Variants in RECK observed in about 807,000 individuals in gnomAD.
RECK encodes the protein reversion-inducing cysteine-rich protein with Kazal motifs.
RECK carries 69 observed loss-of-function variants against 115.1 expected under a neutral mutation model. The observed-to-expected ratio is 0.60, with a 90% CI of 0.49 to 0.73. The LOEUF (loss-of-function observed/expected upper bound fraction) is 0.73. Ranked by LOEUF, RECK falls within the 30% of genes least tolerant of loss-of-function variation. RECK has a pLI of 0.00. For synonymous variants in RECK, 414 were observed against 419.7 expected, an observed-to-expected ratio of 0.99 and a Z score of 0.17; for missense variants, 1,047 against 1,203.7, an observed-to-expected ratio of 0.87 and a Z score of 1.93.
chr9:36,075,992 T>C (rs895377306), intron 6 of RECK, among the ~76,000 whole-genome samples: 4 of 152,116 alleles, frequency 2.6e-5, no homozygotes, highest in African/African-American at 9.7e-5. Flanking sequence ...TAGTCAGTAG[T>C]AAAAGGGCAG....
intron 6 of RECK, among the ~76,000 whole-genome samples, chr9:36,079,089 T>G (rs1822578136): frequency 6.6e-6 from 1 of 152,050 alleles, no homozygotes; most frequent in African/African-American, 2.4e-5. Flanking sequence ...GAGACAGGGT[T>G]TCTCCATGTT....
rs56726335 is a variant in RECK, at chr9:36,048,126, AATAT to A, written c.101-4108_101-4105del. Among the ~76,000 whole-genome samples, 319 of 115,368 alleles carry A rather than the reference AATAT, an allele frequency of 2.8e-3. 15 individuals are homozygous for A. Among genetic ancestry groups the A allele is most frequent in the East Asian group, 0.022 (71 of 3,228 alleles). 75.7% of individuals were successfully genotyped at this position (115,368 alleles called of 152,430 possible). On this transcript the variant is annotated intron_variant, in intron 1 of 20. Transcript: ENST00000377966. The stretch of plus-strand genomic sequence containing the variant: ...TACACACGCACAGACACACAGGTTG[AATAT>A]ATATATATATATATATATATATATA...
Position 36,121,599 on chromosome 9 carries a change from CCA to C in RECK, c.2608_2609del (p.Gln870ValfsTer2). 3 of 1,614,064 alleles carry C rather than the reference CCA, an allele frequency of 1.9e-6. No homozygotes were observed. In the South Asian group the frequency reaches 3.3e-5, roughly 18 times the overall value. On this transcript the variant is annotated frameshift_variant, in exon 20 of 21. Coordinates refer to ENST00000377966, the MANE Select transcript of RECK (RefSeq NM_021111.3). LOFTEE classifies it high-confidence loss of function. ...GAAAATCCGCATGCACGTGTCTGTCCCACAGTGTGATGTGTTTGGATACTTCA... is the reference window on the plus strand; with the variant it reads ...GAAAATCCGCATGCACGTGTCTGTCCCAGTGTGATGTGTTTGGATACTTCA... ...LQKIRMHVSV[P>X]QCDVFGYFSI... is the part of the protein sequence containing the mutation.
intron 12 of RECK, among the ~76,000 whole-genome samples, chr9:36,104,320 ATATATATTTTTT>A (rs1823703319): frequency 1.8e-5 from 1 of 55,596 alleles, no homozygotes; most frequent in African/African-American, 1.1e-4. Context: ...ATATATATAT[ATATATATTTTTT>A]TTTTTTTTTT....
chr9:36,110,112 G>A, intron 15 of RECK, 33 bp downstream of exon 15: 1 of 1,568,034 alleles, frequency 6.4e-7, no homozygotes, highest in Non-Finnish European at 8.7e-7. Context: ...TGTCCTCAGG[G>A]GCCATCATTT....
intron 1 of RECK, among the ~76,000 whole-genome samples, chr9:36,045,395 T>C (rs1482957797): frequency 2.6e-5 from 4 of 152,168 alleles, no homozygotes; most frequent in Non-Finnish European, 5.9e-5. Flanking sequence ...AAAAACAGAT[T>C]TTTAAATTAA....
intron 1 of RECK, among the ~76,000 whole-genome samples, chr9:36,050,714 A>G (rs1362884635): frequency 6.6e-6 from 1 of 152,020 alleles, no homozygotes; most frequent in South Asian, 2.1e-4. Context: ...CTCTGATCGC[A>G]TTATGTCCTA....
intron 1 of RECK, among the ~76,000 whole-genome samples, chr9:36,037,425 A>T (rs1470711423): frequency 6.6e-6 from 1 of 151,308 alleles, no homozygotes; most frequent in Non-Finnish European, 1.5e-5. Flanking sequence ...CCCGCCCAGG[A>T]TCGTCGCGAG....
Position 36,083,409 on chromosome 9 carries a change from C to T in RECK, c.484C>T (p.Arg162Ter), listed in dbSNP as rs575974346. The T allele has an allele frequency of 1.9e-6, 3 of 1,613,780 alleles. No homozygotes were observed. The highest frequency in any genetic ancestry group is 1.3e-5 in the African/African-American group (1 of 74,860). The change falls in exon 8 of 21, where the codon CGA becomes TGA. Residue 162 changes from arginine (R) to a stop codon, truncating the protein, a stop_gained. Transcript: ENST00000377966. LOFTEE classifies it high-confidence loss of function. ...TTATGCAGGTCATCACACAAACTGC[C>T]GAGAATACTGTCAAGCCATTTTTCG... Reference protein sequence around the residue: ...CSYAGHHTNCREYCQAIFRTD... With the variant: ...CSYAGHHTNC
intron 16 of RECK, among the ~76,000 whole-genome samples, chr9:36,114,734 A>G (rs926581283): frequency 6.6e-6 from 1 of 152,028 alleles, no homozygotes; most frequent in Non-Finnish European, 1.5e-5. Context: ...AGTCCCAGCT[A>G]CTCGGGAGGC....
chr9:36,063,885 C>A lies in RECK; in HGVS notation c.357+5C>A, dbSNP rs1821884988. On this transcript the variant is annotated splice_donor_5th_base_variant and intron_variant, in intron 5 of 20. Coordinates refer to ENST00000377966, the MANE Select transcript of RECK (RefSeq NM_021111.3). ...TGTCGACAGGCATGCAAGCAGGTAA[C>A]ACTGGGTAGTCAGGCTCTCAAACAT... is the stretch of plus-strand genomic sequence containing the variant. The A allele has an allele frequency of 5.6e-6, 9 of 1,613,512 alleles. No homozygotes were observed. The highest frequency in any genetic ancestry group is 7.6e-6 in the Non-Finnish European group (9 of 1,179,554).
In RECK at chr9:36,118,983, C is replaced by T. The variant is rs370147542; in HGVS notation, c.2464+16C>T. 1.7e-5 allele frequency: 27 copies of T among 1,609,538 alleles called. No individual in the cohort carries two copies. Among genetic ancestry groups the T allele is most frequent in the East Asian group, 2.2e-5 (1 of 44,844 alleles). ...ATCCCACCGGGTAGGCTGGCAGTAT[C>T]GGGGTGGACAGGGGAGGACTGAGAA... On this transcript the variant is annotated intron_variant, in intron 18 of 20. Coordinates refer to ENST00000377966, the MANE Select transcript of RECK (RefSeq NM_021111.3).
chr9:36,062,980 C>A (rs1821841610), intron 4 of RECK, among the ~76,000 whole-genome samples: 1 of 151,544 alleles, frequency 6.6e-6, no homozygotes, highest in Non-Finnish European at 1.5e-5. Flanking sequence ...ACTAAAAATA[C>A]AAAAATTAGC....
At chr9:36,055,712 G>T (rs1478950918) in intron 2 of RECK, among the ~76,000 whole-genome samples, 1 of 152,174 alleles carries the variant, frequency 6.6e-6, no homozygotes, top group Non-Finnish European at 1.5e-5. Flanking sequence ...AGGCCAAGTA[G>T]TTTGCCCAGT....
At chr9:36,071,446 A>G (rs957317884) in intron 6 of RECK, among the ~76,000 whole-genome samples, 2 of 152,200 alleles carry the variant, frequency 1.3e-5, no homozygotes, top group African/African-American at 2.4e-5. Flanking sequence ...TTCTCTTAAC[A>G]TAATGGCCAT....
chr9:36,045,235 G>A (rs1395014583), intron 1 of RECK, among the ~76,000 whole-genome samples: 4 of 152,088 alleles, frequency 2.6e-5, no homozygotes, highest in East Asian at 1.9e-4. Context: ...ATATACCCAC[G>A]TGTATATTTT....
At chr9:36,063,186 A>G (rs1298539158) in intron 4 of RECK, among the ~76,000 whole-genome samples, 2 of 152,156 alleles carry the variant, frequency 1.3e-5, no homozygotes, top group African/African-American at 2.4e-5. Flanking sequence ...CAGTTTCACA[A>G]TCATTTGGTT....
intron 1 of RECK, among the ~76,000 whole-genome samples, chr9:36,043,883 A>G (rs1820978612): frequency 6.6e-6 from 1 of 152,064 alleles, no homozygotes; most frequent in African/African-American, 2.4e-5. Flanking sequence ...GCCTATTTTT[A>G]TACAAGTACC....
Position 36,080,626 on chromosome 9 carries a change from A to G in RECK, c.427A>G (p.Ser143Gly). 6.2e-7 allele frequency: 1 copy of G among 1,609,926 alleles called. No homozygotes were observed. Among genetic ancestry groups the G allele is most frequent in the Non-Finnish European group, 8.5e-7 (1 of 1,177,756 alleles). ...ACAGAATGCTCTTTTCAGTTGCATT[A>G]GCAGAAATGAAAGTAAGTATATTTG... ...EYENALFSCI[S>G]RNEMGSVCCS... is the part of the protein sequence containing the mutation. The change falls in exon 7 of 21, where the codon AGC becomes GGC. Residue 143 changes from serine (S) to glycine (G), a missense_variant. Ser to Gly is a moderately conservative substitution (Grantham distance 56, BLOSUM62 0). Transcript: ENST00000377966.
Sources: allele counts gnomAD v4.1 joint callset (sites outside exome capture counted in the v4.1 genomes callset), GRCh38; gene constraint gnomAD v4.1.1; transcripts MANE v1.5; gene names NCBI Gene and HGNC (gene_info 2026-07-23, HGNC 2026-07-21).